The following SCMH1 variants were observed in gnomAD, a reference collection of about 807,000 sequenced individuals.
SCMH1 encodes the protein polycomb protein SCMH1.
SCMH1 carries 37 observed loss-of-function variants against 70.8 expected under a neutral mutation model. That is an observed-to-expected ratio of 0.52 (90% confidence interval 0.40 to 0.69). The LOEUF is 0.69. Ranked by LOEUF, SCMH1 falls within the 30% of genes least tolerant of loss-of-function variation. SCMH1 has a pLI of 0.00. For missense variants in SCMH1, 607 were observed against 827.3 expected (o/e 0.73, Z 3.27); for synonymous variants, 292 against 307.4 (o/e 0.95, Z 0.52).
chr1:41,141,374 G>A (rs891836278), intron 6 of SCMH1, among the ~76,000 whole-genome samples: 4 of 152,178 alleles, frequency 2.6e-5, no homozygotes, highest in African/African-American at 9.7e-5. Context: ...GATCTGTAAA[G>A]CCTAAAATAT....
At chr1:41,150,134 C>G (rs12125884) in intron 5 of SCMH1, among the ~76,000 whole-genome samples, 11,868 of 152,154 alleles carry the variant, frequency 0.078, 595 homozygotes, top group South Asian at 0.13. Flanking sequence ...GCTAGAAAAT[C>G]ATAGAGGTAG....
At chr1:41,068,360 A>T (rs1655372302) in intron 10 of SCMH1, among the ~76,000 whole-genome samples, 1 of 152,206 alleles carries the variant, frequency 6.6e-6, no homozygotes, top group South Asian at 2.1e-4. Context: ...AACAGGTATG[A>T]CGGGAGTGAA....
At chr1:41,218,484 A>C (rs557006663) in intron 1 of SCMH1, among the ~76,000 whole-genome samples, 34 of 152,290 alleles carry the variant, frequency 2.2e-4, no homozygotes, top group African/African-American at 7.7e-4. Flanking sequence ...AGGAACACCA[A>C]GGACTGAGCT....
intron 1 of SCMH1, among the ~76,000 whole-genome samples, chr1:41,226,515 A>C (rs1660301422): frequency 6.6e-6 from 1 of 152,226 alleles, no homozygotes. Flanking sequence ...AAAAGGCGAA[A>C]GTAGTCAAGA....
intron 2 of SCMH1, among the ~76,000 whole-genome samples, chr1:41,168,632 C>CTTTTTTT (rs543282078): frequency 2.9e-5 from 3 of 104,712 alleles, no homozygotes; most frequent in Non-Finnish European, 3.8e-5. Context: ...GGAGATTTGT[C>CTTTTTTT]TTTTTTTTTT....
intron 6 of SCMH1, among the ~76,000 whole-genome samples, chr1:41,118,610 T>C (rs564731934): frequency 4.1e-4 from 63 of 152,322 alleles, no homozygotes; most frequent in African/African-American, 1.5e-3. Context: ...AGGAATGACA[T>C]TGGAAAGGAT....
chr1:41,139,537 T>C (rs1643864903), intron 6 of SCMH1, among the ~76,000 whole-genome samples: 1 of 152,214 alleles, frequency 6.6e-6, no homozygotes, highest in African/African-American at 2.4e-5. Context: ...CCTGAGAACT[T>C]GTATTTTTTA....
chr1:41,213,693 A>G (rs1187094644), intron 1 of SCMH1, among the ~76,000 whole-genome samples: 1 of 152,154 alleles, frequency 6.6e-6, no homozygotes, highest in Non-Finnish European at 1.5e-5. Flanking sequence ...TATCACATCT[A>G]GCATAAAAAT....
intron 1 of SCMH1, among the ~76,000 whole-genome samples, chr1:41,219,179 G>A (rs1250659627): frequency 2.6e-5 from 4 of 152,216 alleles, no homozygotes; most frequent in African/African-American, 9.6e-5. Flanking sequence ...GAAGGGTGAT[G>A]TGCCCCAATT....
intron 8 of SCMH1, among the ~76,000 whole-genome samples, chr1:41,106,003 T>G (rs1667805735): frequency 6.6e-6 from 1 of 151,562 alleles, no homozygotes; most frequent in African/African-American, 2.4e-5. Flanking sequence ...GCCTCCCTAG[T>G]AGCTGTGATT....
intron 8 of SCMH1, among the ~76,000 whole-genome samples, chr1:41,109,851 G>A (rs1358689889): frequency 2.0e-5 from 3 of 152,194 alleles, no homozygotes; most frequent in South Asian, 2.1e-4. Context: ...CACAAAGACC[G>A]TCAGCTCTGT....
chr1:41,230,639 C>T (rs1326984483), intron 1 of SCMH1, among the ~76,000 whole-genome samples: 1 of 145,598 alleles, frequency 6.9e-6, no homozygotes, highest in East Asian at 2.0e-4. Flanking sequence ...GCCTGAGCAA[C>T]AAAGCAAGAC....
intron 1 of SCMH1, among the ~76,000 whole-genome samples, chr1:41,203,435 A>T (rs1289650950): frequency 1.3e-5 from 2 of 152,230 alleles, no homozygotes; most frequent in African/African-American, 4.8e-5. Context: ...TTCTAAAGGA[A>T]ATATAAAATT....
intron 8 of SCMH1, among the ~76,000 whole-genome samples, chr1:41,090,957 T>G (rs1663273109): frequency 1.3e-5 from 2 of 149,392 alleles, no homozygotes; most frequent in South Asian, 4.2e-4. Context: ...GAGAATGGTG[T>G]GAACCTGGGA....
chr1:41,113,419 C>A lies in SCMH1; in HGVS notation c.609G>T (p.Arg203=). The change falls in exon 8 of 15, where the codon CGG becomes CGT. Residue 203 remains arginine, a synonymous_variant. Transcript: ENST00000337495. The surrounding 1 kb of genome is among the most constrained non-coding windows in gnomAD (Gnocchi z 4.3). Reference sequence around the variant, plus strand: ...CAAAAGTGACAAGCACCTCTGAGCCCCGAACCTCCCCAATAGTGGCTGGGC... The same window carrying A: ...CAAAAGTGACAAGCACCTCTGAGCCACGAACCTCCCCAATAGTGGCTGGGC... 1 of 1,614,066 alleles carries A rather than the reference C, an allele frequency of 6.2e-7. No homozygotes were observed. The highest frequency in any genetic ancestry group is 8.5e-7 in the Non-Finnish European group (1 of 1,179,990).
chr1:41,081,773 T>C (rs1660099247), intron 8 of SCMH1, among the ~76,000 whole-genome samples: 1 of 151,614 alleles, frequency 6.6e-6, no homozygotes, highest in South Asian at 2.1e-4. Context: ...TGAACCATGA[T>C]GGTGTCACTG....
At chr1:41,039,756 G>C (rs1336858801) in intron 12 of SCMH1, among the ~76,000 whole-genome samples, 4 of 151,886 alleles carry the variant, frequency 2.6e-5, no homozygotes, top group Non-Finnish European at 5.9e-5. Flanking sequence ...TCACAGGTGT[G>C]AGCAACCACA....
intron 12 of SCMH1, among the ~76,000 whole-genome samples, chr1:41,045,203 C>T (rs896619546): frequency 6.6e-6 from 1 of 152,112 alleles, no homozygotes; most frequent in Admixed American, 6.5e-5. Flanking sequence ...TTTTTCTTTT[C>T]TCAGAGACTC....
chr1:41,059,797 C>G (rs1445176101), intron 10 of SCMH1, among the ~76,000 whole-genome samples: 1 of 152,166 alleles, frequency 6.6e-6, no homozygotes, highest in Non-Finnish European at 1.5e-5. Context: ...CCTGCACTTG[C>G]CCATCTACGT....
Sources: gnomAD v4.1 joint callset for allele counts (sites outside exome capture counted in the v4.1 genomes callset) on GRCh38, gnomAD v4.1.1 for gene constraint, Gnocchi (gnomAD v3.1) non-coding constraint, MANE v1.5 for transcripts, NCBI Gene and HGNC (gene_info 2026-07-23, HGNC 2026-07-21) for gene names.